Variants in AKAP19 observed in about 807,000 individuals in gnomAD.
AKAP19 encodes A-kinase anchoring protein 19.
At chr2:189,919,423 CTTTA>C in the AKAP19 span, among the ~76,000 whole-genome samples, 616 of 150,080 alleles carry the variant, frequency 4.1e-3, 5 homozygotes, top group African/African-American at 0.014. Flanking sequence ...CCTTTTTTTT[CTTTA>C]TTCTAAAAAA....
chr2:189,974,604 G>A, the AKAP19 span, among the ~76,000 whole-genome samples: 2 of 152,142 alleles, frequency 1.3e-5, no homozygotes, highest in Admixed American at 1.3e-4. Context: ...TTATTATTGT[G>A]TGGGAGTCTA....
chr2:190,121,735 G>A, the AKAP19 span, among the ~76,000 whole-genome samples: 2 of 152,100 alleles, frequency 1.3e-5, no homozygotes, highest in Non-Finnish European at 2.9e-5. Flanking sequence ...ACTTTTCAAA[G>A]GAATCAGTTC....
At chr2:190,167,005 C>T in the AKAP19 span, among the ~76,000 whole-genome samples, 1 of 152,114 alleles carries the variant, frequency 6.6e-6, no homozygotes, top group Non-Finnish European at 1.5e-5. Context: ...TATAGATCAT[C>T]TATTAGAATT....
At chr2:189,970,844 A>G in the AKAP19 span, among the ~76,000 whole-genome samples, 3 of 152,264 alleles carry the variant, frequency 2.0e-5, no homozygotes, top group African/African-American at 4.8e-5. Context: ...AATACTTAGT[A>G]TCGTCAGACA....
At chr2:190,043,824 T>C in the AKAP19 span, among the ~76,000 whole-genome samples, 2 of 152,206 alleles carry the variant, frequency 1.3e-5, no homozygotes, top group African/African-American at 4.8e-5. Flanking sequence ...TGTGTGTGGG[T>C]GTTCCTTTAA....
At chr2:190,125,296 T>C in the AKAP19 span, among the ~76,000 whole-genome samples, 1 of 149,986 alleles carries the variant, frequency 6.7e-6, no homozygotes, top group East Asian at 1.9e-4. Context: ...GACCCTCATA[T>C]ACACAGTTCG....
At chr2:190,188,654 A>T in the AKAP19 span, among the ~76,000 whole-genome samples, 1 of 152,236 alleles carries the variant, frequency 6.6e-6, no homozygotes, top group South Asian at 2.1e-4. Flanking sequence ...TTTGTTCTTC[A>T]CTGGTGTGCA....
At chr2:190,106,156 G>A in the AKAP19 span, among the ~76,000 whole-genome samples, 1 of 152,096 alleles carries the variant, frequency 6.6e-6, no homozygotes, top group African/African-American at 2.4e-5. Flanking sequence ...AATAATAATT[G>A]AAAGTATAGA....
chr2:189,991,565 T>A, the AKAP19 span, among the ~76,000 whole-genome samples: 1 of 152,162 alleles, frequency 6.6e-6, no homozygotes, highest in Non-Finnish European at 1.5e-5. Context: ...TCTTGCTGAT[T>A]TGTTTGAATT....
the AKAP19 span, chr2:190,060,298 CA>C: frequency 6.2e-7 from 1 of 1,613,074 alleles, no homozygotes. Flanking sequence ...AGGATTTGCA[CA>C]AACACTGTTG....
chr2:189,967,069 G>A, the AKAP19 span, among the ~76,000 whole-genome samples: 1 of 152,140 alleles, frequency 6.6e-6, no homozygotes, highest in African/African-American at 2.4e-5. Context: ...TTCCTTATGG[G>A]TAAGTGTGAC....
At chr2:189,882,681 C>T in the AKAP19 span, among the ~76,000 whole-genome samples, 3 of 151,968 alleles carry the variant, frequency 2.0e-5, no homozygotes, top group Non-Finnish European at 4.4e-5. Context: ...ACTTTCTGTC[C>T]GAAACCCGTG....
the AKAP19 span, chr2:190,060,565 C>T: frequency 0.038 from 29,867 of 783,590 alleles, 2,944 homozygotes; most frequent in African/African-American, 0.31. Context: ...AATGAAATAC[C>T]GTGTGGAACT....
the AKAP19 span, among the ~76,000 whole-genome samples, chr2:190,011,044 C>T: frequency 7.5e-6 from 1 of 133,772 alleles, no homozygotes; most frequent in African/African-American, 2.9e-5. Flanking sequence ...CTCATTCTCT[C>T]TCTCTCTTTT....
the AKAP19 span, among the ~76,000 whole-genome samples, chr2:189,915,317 TACC>T: frequency 5.3e-5 from 8 of 152,218 alleles, no homozygotes; most frequent in Non-Finnish European, 1.2e-4. Flanking sequence ...ATGTAGTTTT[TACC>T]TATGTTACGT....
At chr2:190,085,448 C>T in the AKAP19 span, among the ~76,000 whole-genome samples, 1 of 152,106 alleles carries the variant, frequency 6.6e-6, no homozygotes, top group Non-Finnish European at 1.5e-5. Flanking sequence ...TAGTTTCTCT[C>T]GTCTCTAATT....
At chr2:190,020,432 C>A in the AKAP19 span, among the ~76,000 whole-genome samples, 2 of 152,082 alleles carry the variant, frequency 1.3e-5, no homozygotes, top group South Asian at 4.1e-4. Context: ...ACTATTTCAA[C>A]TTCTCATGAA....
the AKAP19 span, chr2:190,181,251 C>A: frequency 1.6e-5 from 11 of 679,000 alleles, no homozygotes; most frequent in African/African-American, 5.9e-5. Flanking sequence ...CCGTTCTCAG[C>A]CAGCTGCCGT....
the AKAP19 span, chr2:190,200,701 G>T: frequency 1.2e-5 from 2 of 169,734 alleles, no homozygotes; most frequent in Non-Finnish European, 1.4e-5. Flanking sequence ...GATGAGAAGT[G>T]TAACTACCAC....
Sources: allele counts gnomAD v4.1 joint callset (sites outside exome capture counted in the v4.1 genomes callset), GRCh38; gene constraint gnomAD v4.1.1; transcripts MANE v1.5; gene names NCBI Gene and HGNC (gene_info 2026-07-23, HGNC 2026-07-21).